Variants in DOT1L observed in about 807,000 individuals in gnomAD.
DOT1L encodes the protein DOT1 like histone lysine methyltransferase.
In DOT1L, 33 loss-of-function variants were observed where a neutral mutation model predicts 153.3. The ratio of observed to expected loss-of-function variants is 0.22; its 90% CI spans 0.16 to 0.29. The LOEUF is 0.29. Ranked by LOEUF, DOT1L falls within the 10% of genes least tolerant of loss-of-function variation. The pLI is 1.00. For synonymous variants in DOT1L, 1,135 were observed against 965.1 expected (o/e 1.18, Z -3.26); for missense variants, 1,847 against 2,119.9 (o/e 0.87, Z 2.53).
chr19:2,214,800 C>T (rs2023839079), intron 19 of DOT1L: 1 of 654,370 alleles, frequency 1.5e-6, no homozygotes, highest in South Asian at 2.2e-5. Context: ...TAGCCCTCAG[C>T]TCTCGGGGGC....
chr19:2,221,005 C>T (rs1003450902), intron 23 of DOT1L: 3 of 174,248 alleles, frequency 1.7e-5, no homozygotes, highest in Middle Eastern at 2.7e-3. Context: ...GTGAAACCAC[C>T]GTCTGTACTA....
At position 2,197,388 on chromosome 19, in the gene DOT1L, C is replaced by G. The variant is rs2023067364; in HGVS notation, c.652-2496C>G. ...TCCCAGCACAGAGGATGGAAGCCCT[C>G]GCCATGGTTCCCAGCGATGGCCAGG... On this transcript the variant is annotated intron_variant, in intron 7 of 27. Coordinates refer to ENST00000398665, the MANE Select transcript of DOT1L (RefSeq NM_032482.3). This position sits in a 1 kb window ranked among gnomAD's most constrained non-coding sequence, Gnocchi z 4.1. Among the ~76,000 whole-genome samples, 1 of 152,230 alleles carries G rather than the reference C, an allele frequency of 6.6e-6. No individual in the cohort carries two copies. Among genetic ancestry groups the G allele is most frequent in the Admixed American group, 6.5e-5 (1 of 15,288 alleles).
chr19:2,227,582 C>A, intron 27 of DOT1L: 1 of 866,276 alleles, frequency 1.2e-6, no homozygotes, highest in Non-Finnish European at 1.5e-6. Context: ...GAGGGCGGGC[C>A]ACCACGAGCC....
intron 16 of DOT1L, chr19:2,212,094 A>G: frequency 2.2e-6 from 1 of 455,966 alleles, no homozygotes; most frequent in East Asian, 4.2e-5. Flanking sequence ...CACACCCAGC[A>G]CAGTTTGAAC....
chr19:2,180,933 C>G (rs1250615732), intron 2 of DOT1L, among the ~76,000 whole-genome samples, 177 bp downstream of exon 2: 1 of 152,158 alleles, frequency 6.6e-6, no homozygotes, highest in Admixed American at 6.5e-5. Flanking sequence ...CAGCTCCATT[C>G]CTGGCCAGTG....
In DOT1L at chr19:2,191,631, T is replaced by A. The variant is rs981528222; in HGVS notation, c.493+391T>A. On this transcript the variant is annotated intron_variant, in intron 5 of 27. Transcript: ENST00000398665. The surrounding 1 kb of genome is among the most constrained non-coding windows in gnomAD (Gnocchi z 6.8). Reference sequence around the variant, plus strand: ...CACGGCTGCAGCCTGCCGCAGTCCTTCCCTGGGCACACCTGCTCCCTCCAC... The same window carrying A: ...CACGGCTGCAGCCTGCCGCAGTCCTACCCTGGGCACACCTGCTCCCTCCAC... Among the ~76,000 whole-genome samples, 39 of 152,102 alleles carry A rather than the reference T, an allele frequency of 2.6e-4. No individual in the cohort carries two copies. Among genetic ancestry groups the A allele is most frequent in the African/African-American group, 9.4e-4 (39 of 41,406 alleles).
intron 10 of DOT1L, 52 bp downstream of exon 10, chr19:2,206,849 G>A (rs1187340142): frequency 1.3e-6 from 2 of 1,551,844 alleles, no homozygotes; most frequent in Non-Finnish European, 1.8e-6. Context: ...TTAACCATCT[G>A]ACACGCAGTA....
intron 3 of DOT1L, among the ~76,000 whole-genome samples, chr19:2,187,703 A>ACGAGGTCAGGAGATCGAGACCATCCT (rs2022581300): frequency 3.3e-5 from 5 of 152,152 alleles, no homozygotes; most frequent in African/African-American, 1.2e-4. Context: ...CGGATGGATC[A>ACGAGGTCAGGAGATCGAGACCATCCT]CGAGGTCAGG....
intron 27 of DOT1L, chr19:2,227,619 G>C (rs919993957): frequency 3.4e-5 from 38 of 1,122,232 alleles, no homozygotes; most frequent in Admixed American, 6.1e-5. Context: ...TGTGCTTGGT[G>C]CCCGCACACG....
chr19:2,214,452 C>G lies in DOT1L; in HGVS notation c.1798-19C>G. 1 of 1,611,774 alleles carries G rather than the reference C, an allele frequency of 6.2e-7. No homozygotes were observed. The highest frequency in any genetic ancestry group is 8.5e-7 in the Non-Finnish European group (1 of 1,179,306). ...CAGGCAGCCAGCCAGTCGCAACTGT[C>G]CCATCCCTATCCCCTCAGCTCAAGG... On this transcript the variant is annotated intron_variant, in intron 18 of 27. Coordinates refer to ENST00000398665, the MANE Select transcript of DOT1L (RefSeq NM_032482.3).
Position 2,226,337 on chromosome 19 carries a change from G to T in DOT1L, c.3816G>T (p.Leu1272=). The change falls in exon 27 of 28, where the codon CTG becomes CTT. Residue 1272 remains leucine (L), a synonymous_variant. Coordinates refer to ENST00000398665, the MANE Select transcript of DOT1L (RefSeq NM_032482.3). ...QASSALSQNS[L]FTFRPALEEP... ...GCTCCGCCCTCAGCCAGAACTCCCT[G>T]TTCACGTTCCGGCCCGCCCTGGAGG... The T allele has an allele frequency of 1.3e-6, 2 of 1,595,900 alleles. No homozygotes were observed. The highest frequency in any genetic ancestry group is 1.7e-6 in the Non-Finnish European group (2 of 1,173,118).
Position 2,230,726 on chromosome 19 carries a change from G to C in DOT1L, c.*934G>C, listed in dbSNP as rs2024563949. On this transcript the variant is annotated 3_prime_UTR_variant, in exon 28 of 28. Transcript: ENST00000398665. ...ATTTTTAGATGGTATAATGCACAGTGAAGAGGAAAGAAAAGCGAGGGGAAA... is the reference window on the plus strand; with the variant it reads ...ATTTTTAGATGGTATAATGCACAGTCAAGAGGAAAGAAAAGCGAGGGGAAA... The C allele has an allele frequency of 2.5e-6, 1 of 397,760 alleles. No individual in the cohort carries two copies. The highest frequency in any genetic ancestry group is 4.4e-6 in the Non-Finnish European group (1 of 226,016). The allele number at this position is 397,760 out of a possible 1,614,324, so 24.6% of individuals were successfully genotyped here.
rs2023561769 is a variant in DOT1L at position 2,207,818 on chromosome 19, A to G, written c.963+138A>G. The G allele has an allele frequency of 1.3e-6, 1 of 772,406 alleles. No homozygotes were observed. The highest frequency in any genetic ancestry group is 1.8e-5 in the African/African-American group (1 of 56,914). 47.8% of individuals were successfully genotyped at this position (772,406 alleles called of 1,614,324 possible). On this transcript the variant is annotated intron_variant, in intron 11 of 27. Coordinates refer to ENST00000398665, the MANE Select transcript of DOT1L (RefSeq NM_032482.3). This position sits in a 1 kb window ranked among gnomAD's most constrained non-coding sequence, Gnocchi z 4.5. ...TCAACGCCCCCCGGCCCCTGAGCTC[A>G]GGCCCAGCTCCTCAAGGCCCCTCAG...
chr19:2,171,595 CT>C (rs1568326124), intron 1 of DOT1L, among the ~76,000 whole-genome samples: 1 of 152,200 alleles, frequency 6.6e-6, no homozygotes, highest in African/African-American at 2.4e-5. Flanking sequence ...CTTTCATCGC[CT>C]GGGGTCCCGG....
chr19:2,197,183 T>C lies in DOT1L; in HGVS notation c.651+2606T>C, dbSNP rs537748956. Among the ~76,000 whole-genome samples, 99 of 152,314 alleles carry C rather than the reference T, an allele frequency of 6.5e-4. No individual in the cohort carries two copies. The highest frequency in any genetic ancestry group is 2.3e-3 in the African/African-American group (96 of 41,572). On this transcript the variant is annotated intron_variant, in intron 7 of 27. Coordinates refer to ENST00000398665, the MANE Select transcript of DOT1L (RefSeq NM_032482.3). The surrounding 1 kb of genome is among the most constrained non-coding windows in gnomAD (Gnocchi z 4.1). ...CCCTCGGCTTCTGTTCTGCTGTCTTTGACCAGGACTTGCGCATCCAGGGCT... is the reference window on the plus strand; with the variant it reads ...CCCTCGGCTTCTGTTCTGCTGTCTTCGACCAGGACTTGCGCATCCAGGGCT...
chr19:2,210,888 C>T (rs759987856), intron 14 of DOT1L, 33 bp downstream of exon 14: 1 of 1,604,920 alleles, frequency 6.2e-7, no homozygotes, highest in African/African-American at 1.3e-5. Context: ...CCCCCGCTCT[C>T]CCCGAGTGCG....
Position 2,193,793 on chromosome 19 carries a change from T to C in DOT1L, c.588+10T>C. On this transcript the variant is annotated intron_variant, in intron 6 of 27. Coordinates refer to ENST00000398665, the MANE Select transcript of DOT1L (RefSeq NM_032482.3). The surrounding 1 kb of genome is among the most constrained non-coding windows in gnomAD (Gnocchi z 5.9). ...GGCCAAGTATGCGGAGGTGAGCGGA[T>C]CTGAGGGCCAGGGTGTGTTGGAGGC... 6.2e-7 allele frequency: 1 copy of C among 1,612,800 alleles called. No individual in the cohort carries two copies. The highest frequency in any genetic ancestry group is 1.1e-5 in the South Asian group (1 of 91,060).
Position 2,220,476 on chromosome 19 carries a change from AAT to A in DOT1L, c.2806+255_2806+256del. The A allele has an allele frequency of 1.7e-6, 1 of 604,284 alleles. No individual in the cohort carries two copies. The highest frequency in any genetic ancestry group is 3.1e-6 in the Non-Finnish European group (1 of 322,222). The allele number at this position is 604,284 out of a possible 1,614,324, so 37.4% of individuals were successfully genotyped here. A position where few individuals can be genotyped will look rare whatever the true frequency, so the allele number is the denominator to read the frequency against. Reference sequence around the variant, plus strand: ...CTGACACCTCCTGCTTGGGTGTATTAATTCAGCCCGTGAGGTCGGCCCCAGTG... The same window carrying A: ...CTGACACCTCCTGCTTGGGTGTATTATCAGCCCGTGAGGTCGGCCCCAGTG... On this transcript the variant is annotated intron_variant, in intron 23 of 27. Coordinates refer to ENST00000398665, the MANE Select transcript of DOT1L (RefSeq NM_032482.3). This position sits in a 1 kb window ranked among gnomAD's most constrained non-coding sequence, Gnocchi z 4.5.
intron 1 of DOT1L, among the ~76,000 whole-genome samples, chr19:2,177,336 G>T (rs1350413907): frequency 6.6e-6 from 1 of 151,720 alleles, no homozygotes; most frequent in African/African-American, 2.4e-5. Flanking sequence ...TGCTCTTGTC[G>T]CCCAGGCTGG....
Sources: allele counts gnomAD v4.1 joint callset (sites outside exome capture counted in the v4.1 genomes callset), GRCh38; gene constraint gnomAD v4.1.1; non-coding constraint Gnocchi (gnomAD v3.1); transcripts MANE v1.5; gene names NCBI Gene and HGNC (gene_info 2026-07-23, HGNC 2026-07-21).